LRRC4C: variants seen among roughly 807,000 people sequenced by gnomAD.
LRRC4C encodes leucine-rich repeat-containing protein 4C.
A neutral mutation model predicts 33.6 loss-of-function variants in LRRC4C; 5 were observed. The ratio of observed to expected loss-of-function variants is 0.15; its 90% CI spans 0.08 to 0.31. The LOEUF (loss-of-function observed/expected upper bound fraction) is 0.31, where lower values mean the gene tolerates loss of function less well. Ranked by LOEUF, LRRC4C falls within the 10% of genes least tolerant of loss-of-function variation. The pLI, the probability that LRRC4C is intolerant of heterozygous loss-of-function variation, is 1.00. For missense variants in LRRC4C, 560 were observed against 796.7 expected (o/e 0.70, Z 3.58); for synonymous variants, 329 against 302.0 (o/e 1.09, Z -0.93).
At chr11:41,255,971 T>TCC (rs1184473631) in intron 1 of LRRC4C, among the ~76,000 whole-genome samples, 1 of 151,962 alleles carries the variant, frequency 6.6e-6, no homozygotes. Context: ...AATTGAAAGC[T>TCC]CATTTTAGGA....
At chr11:40,454,413 T>C (rs1952039959) in intron 3 of LRRC4C, among the ~76,000 whole-genome samples, 1 of 152,082 alleles carries the variant, frequency 6.6e-6, no homozygotes, top group Non-Finnish European at 1.5e-5. Context: ...ATTCTAACAC[T>C]TCTCCCTCTG....
At chr11:40,937,554 G>T (rs1957956984) in intron 1 of LRRC4C, among the ~76,000 whole-genome samples, 1 of 151,392 alleles carries the variant, frequency 6.6e-6, no homozygotes. Flanking sequence ...CTCTTCAGTT[G>T]TAAAGTACTC....
chr11:41,313,746 G>A (rs568520162), intron 1 of LRRC4C, among the ~76,000 whole-genome samples: 1 of 152,140 alleles, frequency 6.6e-6, no homozygotes, highest in South Asian at 2.1e-4. Context: ...TTTAGAAAGT[G>A]GTATATTTGT....
chr11:41,214,507 G>A (rs1946953176), intron 1 of LRRC4C, among the ~76,000 whole-genome samples: 1 of 148,860 alleles, frequency 6.7e-6, no homozygotes, highest in African/African-American at 2.5e-5. Context: ...CAAGGCGGGT[G>A]GATCACGAGG....
chr11:40,160,523 T>C (rs768327418), intron 5 of LRRC4C, among the ~76,000 whole-genome samples: 15 of 152,206 alleles, frequency 9.9e-5, no homozygotes, highest in Non-Finnish European at 1.3e-4. Flanking sequence ...TAAGATCCTG[T>C]ACAAGAGCAT....
chr11:40,365,559 T>TG (rs1204658838), intron 3 of LRRC4C, among the ~76,000 whole-genome samples: 4 of 151,948 alleles, frequency 2.6e-5, no homozygotes, highest in South Asian at 2.1e-4. Flanking sequence ...AAGGCAACTT[T>TG]GGGGGGGCCC....
At chr11:41,281,138 G>C (rs1949667098) in intron 1 of LRRC4C, among the ~76,000 whole-genome samples, 1 of 100,508 alleles carries the variant, frequency 9.9e-6, no homozygotes, top group African/African-American at 3.5e-5. Context: ...ACACACAGAG[G>C]AACATTCTTC....
At chr11:40,851,690 G>A (rs1048539479) in intron 2 of LRRC4C, among the ~76,000 whole-genome samples, 5 of 152,152 alleles carry the variant, frequency 3.3e-5, no homozygotes, top group African/African-American at 9.7e-5. Context: ...TGAGCCAGGA[G>A]AATTGCTTGA....
At chr11:40,233,176 A>G (rs1349524024) in intron 5 of LRRC4C, among the ~76,000 whole-genome samples, 1 of 152,158 alleles carries the variant, frequency 6.6e-6, no homozygotes. Flanking sequence ...TGCCTTGCTG[A>G]TGCCCACTCA....
At chr11:40,286,241 G>C (rs969701394) in intron 4 of LRRC4C, among the ~76,000 whole-genome samples, 4 of 152,090 alleles carry the variant, frequency 2.6e-5, no homozygotes, top group African/African-American at 9.7e-5. Context: ...ACAACATACT[G>C]TAATAGAAGT....
At chr11:40,556,695 A>C (rs1480176798) in intron 3 of LRRC4C, among the ~76,000 whole-genome samples, 2 of 152,198 alleles carry the variant, frequency 1.3e-5, no homozygotes, top group Non-Finnish European at 2.9e-5. Context: ...TGTCAATGTG[A>C]CCACAGCCAA....
intron 3 of LRRC4C, among the ~76,000 whole-genome samples, chr11:40,637,853 C>A (rs1941846865): frequency 1.3e-5 from 2 of 152,086 alleles, no homozygotes; most frequent in African/African-American, 4.8e-5. Context: ...GGAGATCTAG[C>A]ACCTTATTCC....
intron 1 of LRRC4C, among the ~76,000 whole-genome samples, chr11:41,133,177 C>A (rs370679319): frequency 3.1e-4 from 47 of 152,152 alleles, no homozygotes; most frequent in African/African-American, 1.1e-3. Context: ...GTGACCTGGG[C>A]CAAAGAATGT....
chr11:40,280,170 G>T (rs947316673), intron 4 of LRRC4C, among the ~76,000 whole-genome samples: 2 of 152,160 alleles, frequency 1.3e-5, no homozygotes, highest in African/African-American at 4.8e-5. Flanking sequence ...TAGGGGATAC[G>T]CTGGGCCTCA....
intron 1 of LRRC4C, among the ~76,000 whole-genome samples, chr11:41,034,875 G>A (rs1488583976): frequency 6.7e-6 from 1 of 149,716 alleles, no homozygotes; most frequent in African/African-American, 2.4e-5. Context: ...GTTTCATGAA[G>A]CTGTCATGTT....
chr11:40,742,873 T>C (rs751421873), intron 2 of LRRC4C, among the ~76,000 whole-genome samples: 3 of 151,906 alleles, frequency 2.0e-5, no homozygotes, highest in Admixed American at 1.3e-4. Flanking sequence ...GAGTACAGAG[T>C]AGGCTGCTCC....
At chr11:41,275,041 A>G (rs1949439949) in intron 1 of LRRC4C, among the ~76,000 whole-genome samples, 1 of 151,918 alleles carries the variant, frequency 6.6e-6, no homozygotes, top group Non-Finnish European at 1.5e-5. Flanking sequence ...GGTTCATGTG[A>G]GATAGGGTTG....
chr11:41,295,853 T>C (rs1294450170), intron 1 of LRRC4C, among the ~76,000 whole-genome samples: 1 of 152,260 alleles, frequency 6.6e-6, no homozygotes, highest in East Asian at 1.9e-4. Context: ...TTTAGACATC[T>C]ATTGGCAAGT....
At chr11:40,182,888 G>A (rs1414804434) in intron 5 of LRRC4C, among the ~76,000 whole-genome samples, 6 of 152,062 alleles carry the variant, frequency 3.9e-5, no homozygotes, top group Non-Finnish European at 8.8e-5. Context: ...AACTAATTTA[G>A]TTTTCATAAT....
Sources: allele counts gnomAD v4.1 joint callset (sites outside exome capture counted in the v4.1 genomes callset), GRCh38; gene constraint gnomAD v4.1.1; transcripts MANE v1.5; gene names NCBI Gene and HGNC (gene_info 2026-07-23, HGNC 2026-07-21).